PPARG: variants seen among roughly 807,000 people sequenced by gnomAD.
PPARG encodes peroxisome proliferator activated receptor gamma.
In PPARG, 17 loss-of-function variants were observed where a neutral mutation model predicts 39.2. That is an observed-to-expected ratio of 0.43 (90% CI 0.30 to 0.65). The LOEUF (loss-of-function observed/expected upper bound fraction) is 0.65, where lower values mean the gene tolerates loss of function less well. PPARG is among the 30% of genes least tolerant of loss of function. The pLI is 0.13. For missense variants in PPARG, 406 were observed against 585.9 expected, an observed-to-expected ratio of 0.69 and a Z score of 3.17; for synonymous variants, 223 against 215.7, an observed-to-expected ratio of 1.03 and a Z score of -0.30.
chr3:12,405,858 C>G (rs768751297), intron 5 of PPARG, 24 bp from the exon 6 acceptor site: 30 of 1,603,628 alleles, frequency 1.9e-5, no homozygotes, highest in Non-Finnish European at 2.4e-5. Flanking sequence ...AATGATTCAT[C>G]CTGTCATTCC....
At chr3:12,411,129 T>A (rs2050866595) in intron 6 of PPARG, among the ~76,000 whole-genome samples, 1 of 152,200 alleles carries the variant, frequency 6.6e-6, no homozygotes, top group Non-Finnish European at 1.5e-5. Context: ...GTAAAAGATC[T>A]AAACCAGTGT....
chr3:12,291,651 TG>T (rs1353102356), intron 1 of PPARG, among the ~76,000 whole-genome samples: 1 of 152,220 alleles, frequency 6.6e-6, no homozygotes, highest in Non-Finnish European at 1.5e-5. Flanking sequence ...GGAAAACTTT[TG>T]TAGATGTTTA....
At chr3:12,419,819 T>C (rs1227168215) in intron 7 of PPARG, among the ~76,000 whole-genome samples, 1 of 152,118 alleles carries the variant, frequency 6.6e-6, no homozygotes, top group African/African-American at 2.4e-5. Flanking sequence ...TTTGAAAATA[T>C]ATTAATATTT....
chr3:12,344,638 C>A (rs2048276979), intron 2 of PPARG, among the ~76,000 whole-genome samples: 1 of 152,174 alleles, frequency 6.6e-6, no homozygotes. Context: ...ATTCCATACT[C>A]TATATACCGT....
chr3:12,363,533 C>T (rs1343784512), intron 2 of PPARG, among the ~76,000 whole-genome samples: 1 of 152,168 alleles, frequency 6.6e-6, no homozygotes, highest in Non-Finnish European at 1.5e-5. Flanking sequence ...AAGAAAGTGG[C>T]TTTCCCCCTA....
chr3:12,338,592 A>G (rs939565932), intron 2 of PPARG, among the ~76,000 whole-genome samples: 24 of 152,236 alleles, frequency 1.6e-4, no homozygotes, highest in Non-Finnish European at 8.8e-5. Context: ...TAAGTTGTAA[A>G]GCCCTTAACA....
At chr3:12,333,542 G>A (rs2047921535) in intron 2 of PPARG, among the ~76,000 whole-genome samples, 1 of 152,146 alleles carries the variant, frequency 6.6e-6, no homozygotes, top group South Asian at 2.1e-4. Context: ...GTGGCTCACT[G>A]CAACCTCAAC....
intron 4 of PPARG, among the ~76,000 whole-genome samples, chr3:12,384,062 TC>T (rs1387330868): frequency 1.3e-5 from 2 of 152,084 alleles, no homozygotes; most frequent in African/African-American, 4.8e-5. Flanking sequence ...ATTCCAGAAT[TC>T]CTAGACTAAA....
chr3:12,405,808 G>A (rs1477265496), intron 5 of PPARG, 74 bp from the exon 6 acceptor site: 2 of 1,483,128 alleles, frequency 1.3e-6, no homozygotes, highest in Non-Finnish European at 1.9e-6. Context: ...GGGAACGAGG[G>A]CTGGGAGAGC....
At chr3:12,369,309 T>C (rs1178629574) in intron 2 of PPARG, among the ~76,000 whole-genome samples, 1 of 152,118 alleles carries the variant, frequency 6.6e-6, no homozygotes, top group Non-Finnish European at 1.5e-5. Flanking sequence ...CTGGGCAACA[T>C]GGTGAAACCT....
intron 2 of PPARG, among the ~76,000 whole-genome samples, chr3:12,361,894 A>C (rs1289648543): frequency 6.6e-6 from 1 of 152,194 alleles, no homozygotes; most frequent in Non-Finnish European, 1.5e-5. Context: ...ATTGTTCTGA[A>C]TCTATAGATA....
intron 2 of PPARG, among the ~76,000 whole-genome samples, chr3:12,377,525 TTTTA>T (rs1298367298): frequency 6.6e-6 from 1 of 152,204 alleles, no homozygotes; most frequent in African/African-American, 2.4e-5. Flanking sequence ...TTTAAAATTT[TTTTA>T]TTTTTGTATT....
chr3:12,400,801 A>G (rs1267135244), intron 5 of PPARG, among the ~76,000 whole-genome samples: 1 of 152,268 alleles, frequency 6.6e-6, no homozygotes, highest in Non-Finnish European at 1.5e-5. Context: ...AGCTAGAGGA[A>G]GGAAACTTTA....
intron 6 of PPARG, among the ~76,000 whole-genome samples, chr3:12,413,088 G>A (rs1333597017): frequency 6.6e-6 from 1 of 152,144 alleles, no homozygotes; most frequent in African/African-American, 2.4e-5. Context: ...AGTACATTTT[G>A]TATGGAACAT....
chr3:12,309,803 T>C (rs1383244273), intron 1 of PPARG, among the ~76,000 whole-genome samples: 2 of 152,164 alleles, frequency 1.3e-5, no homozygotes, highest in African/African-American at 4.8e-5. Flanking sequence ...ACTTAGGTTC[T>C]GGTAAAAATC....
intron 1 of PPARG, among the ~76,000 whole-genome samples, chr3:12,308,388 A>G (rs2047136374): frequency 6.7e-6 from 1 of 149,596 alleles, no homozygotes; most frequent in South Asian, 2.1e-4. Context: ...ACTGATTTCA[A>G]GGAGCCAAGA....
intron 2 of PPARG, among the ~76,000 whole-genome samples, chr3:12,377,051 A>G (rs1233357888): frequency 6.6e-6 from 1 of 152,160 alleles, no homozygotes; most frequent in Non-Finnish European, 1.5e-5. Flanking sequence ...TGTCAGGTAA[A>G]CAGAGTCCAG....
intron 1 of PPARG, among the ~76,000 whole-genome samples, chr3:12,307,885 A>G (rs1212444381): frequency 6.6e-6 from 1 of 152,152 alleles, no homozygotes; most frequent in Non-Finnish European, 1.5e-5. Flanking sequence ...GGAACTCTCA[A>G]GAGAGGAGTT....
intron 2 of PPARG, among the ~76,000 whole-genome samples, chr3:12,333,564 G>A (rs2047922936): frequency 1.3e-5 from 2 of 151,920 alleles, no homozygotes; most frequent in African/African-American, 2.4e-5. Context: ...TACCGGGCTC[G>A]AGTGATCCTC....
Sources: allele counts gnomAD v4.1 joint callset (sites outside exome capture counted in the v4.1 genomes callset), GRCh38; gene constraint gnomAD v4.1.1; transcripts MANE v1.5; gene names NCBI Gene and HGNC (gene_info 2026-07-23, HGNC 2026-07-21).